The following CNTNAP2 variants were observed in gnomAD, a reference collection of about 807,000 sequenced individuals.
CNTNAP2 encodes the protein contactin-associated protein-like 2.
A neutral mutation model predicts 155.2 loss-of-function variants in CNTNAP2; 98 were observed. The observed-to-expected ratio is 0.63, with a 90% CI of 0.54 to 0.75. The LOEUF (loss-of-function observed/expected upper bound fraction) is 0.75, where lower values mean the gene tolerates loss of function less well. Ranked by LOEUF, CNTNAP2 falls within the 30% of genes least tolerant of loss-of-function variation. The pLI, the probability that CNTNAP2 is intolerant of heterozygous loss-of-function variation, is 0.00. For synonymous variants in CNTNAP2, 651 were observed against 631.2 expected (o/e 1.03, Z -0.47); for missense variants, 1,727 against 1,688.1 (o/e 1.02, Z -0.40).
At chr7:147,138,926 A>G (rs1247438006) in intron 8 of CNTNAP2, among the ~76,000 whole-genome samples, 1 of 152,050 alleles carries the variant, frequency 6.6e-6, no homozygotes, top group Non-Finnish European at 1.5e-5. Context: ...AATGAGAACC[A>G]GACTGTGTTT....
chr7:147,794,444 A>G (rs1261886245), intron 13 of CNTNAP2, among the ~76,000 whole-genome samples: 1 of 151,942 alleles, frequency 6.6e-6, no homozygotes, highest in African/African-American at 2.4e-5. Context: ...TGAATATGGT[A>G]TATTAGAGTC....
intron 1 of CNTNAP2, among the ~76,000 whole-genome samples, chr7:146,189,391 TTCCGG>T (rs1562983219): frequency 6.6e-6 from 1 of 152,160 alleles, no homozygotes; most frequent in Non-Finnish European, 1.5e-5. Flanking sequence ...TTAAATAGGT[TTCCGG>T]TCCTATGCCC....
chr7:146,189,486 A>G (rs1340597151), intron 1 of CNTNAP2, among the ~76,000 whole-genome samples: 1 of 152,194 alleles, frequency 6.6e-6, no homozygotes, highest in Non-Finnish European at 1.5e-5. Context: ...TAGATTATTT[A>G]GTGGAAAGCT....
At chr7:146,819,444 C>A (rs900399287) in intron 2 of CNTNAP2, among the ~76,000 whole-genome samples, 9 of 152,144 alleles carry the variant, frequency 5.9e-5, no homozygotes, top group Non-Finnish European at 1.3e-4. Context: ...CACAATGCCA[C>A]ACACTCTCAC....
At chr7:147,992,412 T>C (rs1003810363) in intron 15 of CNTNAP2, among the ~76,000 whole-genome samples, 2 of 152,126 alleles carry the variant, frequency 1.3e-5, no homozygotes, top group African/African-American at 4.8e-5. Context: ...ATGCCCAGCC[T>C]CTATTACTAC....
chr7:148,234,823 TG>T (rs1390846725), intron 20 of CNTNAP2, among the ~76,000 whole-genome samples: 1 of 152,232 alleles, frequency 6.6e-6, no homozygotes, highest in Non-Finnish European at 1.5e-5. Flanking sequence ...CACACATTTT[TG>T]GGTTTAGATG....
chr7:147,603,203 C>T (rs1387992406), intron 12 of CNTNAP2, among the ~76,000 whole-genome samples: 16 of 151,792 alleles, frequency 1.1e-4, no homozygotes, highest in Non-Finnish European at 1.9e-4. Context: ...TGGTATCTCA[C>T]TGTGGTTTTG....
intron 3 of CNTNAP2, among the ~76,000 whole-genome samples, chr7:146,995,709 T>C (rs1798295736): frequency 6.6e-6 from 1 of 152,104 alleles, no homozygotes; most frequent in African/African-American, 2.4e-5. Flanking sequence ...TTCTTATACA[T>C]TTTGAATATT....
At chr7:146,582,780 T>C (rs904542546) in intron 1 of CNTNAP2, among the ~76,000 whole-genome samples, 3 of 151,950 alleles carry the variant, frequency 2.0e-5, no homozygotes, top group Non-Finnish European at 4.4e-5. Flanking sequence ...CAATGAACCT[T>C]CCCTATCTCT....
chr7:147,550,906 G>A (rs73464912), intron 11 of CNTNAP2, among the ~76,000 whole-genome samples: 5,211 of 152,256 alleles, frequency 0.034, 140 homozygotes, highest in African/African-American at 0.058. Context: ...CCACAATGCT[G>A]TAAGAAATCA....
intron 3 of CNTNAP2, among the ~76,000 whole-genome samples, chr7:146,930,838 A>G (rs2129222813): frequency 6.6e-6 from 1 of 152,296 alleles, no homozygotes; most frequent in Non-Finnish European, 1.5e-5. Flanking sequence ...AGAGACAAAG[A>G]AGGCCATTAC....
rs1002217304 is a variant in CNTNAP2 at position 146,512,582 on chromosome 7, T to A, written c.98-261689T>A. Among the ~76,000 whole-genome samples the A allele has an allele frequency of 4.6e-5, 7 of 152,008 alleles. No individual in the cohort carries two copies. In the East Asian group the frequency reaches 1.4e-3, roughly 29 times the overall value. ...GAGCATGTTGCTTAATTTTCATATA[T>A]TCGTAGAGTTTCCAAGGTTTTTCTT... On this transcript the variant is annotated intron_variant, in intron 1 of 23. Coordinates refer to ENST00000361727, the MANE Select transcript of CNTNAP2 (RefSeq NM_014141.6).
In CNTNAP2 at chr7:146,947,543, A is replaced by ATG. The variant is rs1162152721; in HGVS notation, c.403-96350_403-96349dup. Among the ~76,000 whole-genome samples the ATG allele has an allele frequency of 7.8e-3, 578 of 74,364 alleles. 6 individuals are homozygous for ATG. Among genetic ancestry groups the ATG allele is most frequent in the African/African-American group, 0.019 (466 of 24,564 alleles). The allele number at this position is 74,364 out of a possible 152,430, so 48.8% of individuals were successfully genotyped here. ...TGTGTATGTATGTGTGTGTGTGTGT[A>ATG]TGTGTGTGTGTGTGTATATATATAT... is the stretch of plus-strand genomic sequence containing the variant. On this transcript the variant is annotated intron_variant, in intron 3 of 23. Transcript: ENST00000361727.
In CNTNAP2 at chr7:148,169,030, G is replaced by T. The variant is rs568360634; in HGVS notation, c.2774-3212G>T. On this transcript the variant is annotated intron_variant, in intron 17 of 23. Coordinates refer to ENST00000361727, the MANE Select transcript of CNTNAP2 (RefSeq NM_014141.6). ...TTCATCGGGAAAAAGAAACACCATA[G>T]AGAAGTCAAAAGACACAAACTGGAA... 4.6e-5 allele frequency among the ~76,000 whole-genome samples: 7 copies of T among 152,240 alleles called. No individual in the cohort carries two copies. In the East Asian group the frequency reaches 1.3e-3, roughly 29 times the overall value.
chr7:148,353,991 T>C (rs1386247494), intron 21 of CNTNAP2, among the ~76,000 whole-genome samples: 1 of 152,196 alleles, frequency 6.6e-6, no homozygotes, highest in East Asian at 1.9e-4. Context: ...TTTCCTATAC[T>C]GGGACTAAAG....
At chr7:147,280,275 T>C (rs1015136872) in intron 8 of CNTNAP2, among the ~76,000 whole-genome samples, 4 of 151,850 alleles carry the variant, frequency 2.6e-5, no homozygotes, top group Non-Finnish European at 4.4e-5. Flanking sequence ...CTGAGGCTTT[T>C]ACAGGAAAAC....
chr7:146,772,502 CAAAAAAAAA>C (rs71165037), intron 1 of CNTNAP2, among the ~76,000 whole-genome samples: 2 of 96,238 alleles, frequency 2.1e-5, no homozygotes, highest in African/African-American at 3.1e-5. Flanking sequence ...ACTGAAAATA[CAAAAAAAAA>C]AAAAAAAAAT....
At chr7:146,955,208 C>G (rs1247475487) in intron 3 of CNTNAP2, among the ~76,000 whole-genome samples, 1 of 151,894 alleles carries the variant, frequency 6.6e-6, no homozygotes, top group East Asian at 1.9e-4. Context: ...CCTGATGCAC[C>G]TCTTGATTAT....
intron 22 of CNTNAP2, among the ~76,000 whole-genome samples, chr7:148,387,822 C>T (rs903737515): frequency 6.6e-6 from 1 of 152,142 alleles, no homozygotes; most frequent in Non-Finnish European, 1.5e-5. Context: ...ACCAGAGCAA[C>T]TCCATCTCGA....
Sources: allele counts gnomAD v4.1 joint callset (sites outside exome capture counted in the v4.1 genomes callset), GRCh38; gene constraint gnomAD v4.1.1; transcripts MANE v1.5; gene names NCBI Gene and HGNC (gene_info 2026-07-23, HGNC 2026-07-21).